The following SETBP1 variants were observed in gnomAD, a reference collection of about 807,000 sequenced individuals.
The protein encoded by SETBP1 is SET-binding protein.
Under a neutral mutation model 101.0 loss-of-function variants are expected in SETBP1, and 9 were observed. The ratio of observed to expected loss-of-function variants is 0.09; its 90% CI spans 0.05 to 0.16. The LOEUF (loss-of-function observed/expected upper bound fraction) is 0.16, where lower values mean the gene tolerates loss of function less well. SETBP1 is among the 10% of genes least tolerant of loss of function. The pLI is 1.00. For synonymous variants in SETBP1, 818 were observed against 788.5 expected (o/e 1.04, Z -0.63); for missense variants, 1,858 against 2,033.8 (o/e 0.91, Z 1.66).
At chr18:44,910,210 T>C (rs547368481) in intron 3 of SETBP1, among the ~76,000 whole-genome samples, 1 of 152,308 alleles carries the variant, frequency 6.6e-6, no homozygotes, top group South Asian at 2.1e-4. Flanking sequence ...CTCCCTCCTA[T>C]GGCCTTCATG....
At chr18:44,905,799 C>A (rs886818996) in intron 3 of SETBP1, among the ~76,000 whole-genome samples, 1 of 152,168 alleles carries the variant, frequency 6.6e-6, no homozygotes, top group African/African-American at 2.4e-5. Flanking sequence ...AGGTGTCACA[C>A]AAAAATTAAT....
chr18:44,918,185 G>A (rs927291641), intron 3 of SETBP1, among the ~76,000 whole-genome samples: 1 of 152,082 alleles, frequency 6.6e-6, no homozygotes, highest in African/African-American at 2.4e-5. Context: ...AATAATCCTC[G>A]GGACAGCCTG....
intron 2 of SETBP1, among the ~76,000 whole-genome samples, chr18:44,760,867 G>A (rs1298846093): frequency 1.3e-5 from 2 of 151,982 alleles, no homozygotes; most frequent in Admixed American, 6.6e-5. Context: ...ACAAAAAGAA[G>A]GAAGGAATCT....
chr18:45,026,301 A>G (rs2073163432), intron 4 of SETBP1, among the ~76,000 whole-genome samples: 1 of 152,198 alleles, frequency 6.6e-6, no homozygotes, highest in African/African-American at 2.4e-5. Context: ...GTCTCAGAAT[A>G]TAACCTTTGA....
At chr18:45,049,177 G>T (rs2073679686) in intron 5 of SETBP1, among the ~76,000 whole-genome samples, 1 of 152,074 alleles carries the variant, frequency 6.6e-6, no homozygotes, top group Admixed American at 6.6e-5. Flanking sequence ...CAACTGAATG[G>T]TACTAAGAGA....
intron 4 of SETBP1, among the ~76,000 whole-genome samples, chr18:44,957,415 G>A (rs2071511406): frequency 6.6e-6 from 1 of 151,966 alleles, no homozygotes; most frequent in South Asian, 2.1e-4. Context: ...GAATCTACAT[G>A]TGTTACCTCT....
chr18:44,978,073 GCCAGGGTTGCAA>G (rs1599402205), intron 4 of SETBP1, among the ~76,000 whole-genome samples: 2 of 152,218 alleles, frequency 1.3e-5, no homozygotes, highest in East Asian at 3.9e-4. Flanking sequence ...ACCTCAGCCA[GCCAGGGTTGCAA>G]CCAGCCCACA....
At chr18:45,013,760 C>T (rs1309293977) in intron 4 of SETBP1, among the ~76,000 whole-genome samples, 1 of 152,174 alleles carries the variant, frequency 6.6e-6, no homozygotes, top group Non-Finnish European at 1.5e-5. Flanking sequence ...GAGCAGCAGC[C>T]ACTGAGCGGC....
intron 3 of SETBP1, among the ~76,000 whole-genome samples, chr18:44,894,860 G>A (rs1025597193): frequency 2.0e-5 from 3 of 151,190 alleles, no homozygotes; most frequent in Non-Finnish European, 2.9e-5. Context: ...GCTGGGCACC[G>A]TGGCTGCTTT....
intron 3 of SETBP1, among the ~76,000 whole-genome samples, chr18:44,886,754 TTTATTA>T (rs4024294): frequency 0.097 from 13,925 of 142,988 alleles, 691 homozygotes; most frequent in East Asian, 0.13. Flanking sequence ...GACTGTACAT[TTTATTA>T]TTATTATTAT....
At chr18:45,015,872 G>GAT (rs1345999765) in intron 4 of SETBP1, among the ~76,000 whole-genome samples, 5 of 152,194 alleles carry the variant, frequency 3.3e-5, no homozygotes, top group African/African-American at 1.2e-4. Flanking sequence ...TAGTCATGGG[G>GAT]ATATTCTGTT....
At chr18:44,746,502 G>A (rs1255887856) in intron 2 of SETBP1, among the ~76,000 whole-genome samples, 1 of 152,198 alleles carries the variant, frequency 6.6e-6, no homozygotes, top group African/African-American at 2.4e-5. Context: ...AAGAAAAGTA[G>A]GATGATATGT....
intron 3 of SETBP1, among the ~76,000 whole-genome samples, chr18:44,914,085 A>G (rs1390897963): frequency 6.6e-6 from 1 of 152,116 alleles, no homozygotes; most frequent in East Asian, 1.9e-4. Flanking sequence ...GAATATCTGG[A>G]GCTGCAGAAG....
chr18:44,757,025 T>C (rs1452140905), intron 2 of SETBP1, among the ~76,000 whole-genome samples: 2 of 152,198 alleles, frequency 1.3e-5, no homozygotes, highest in Non-Finnish European at 2.9e-5. Flanking sequence ...AGATTTAGCA[T>C]TTTAAATTCT....
chr18:44,701,811 A>T lies in SETBP1; in HGVS notation c.465A>T (p.Glu155Asp). ...GKNSKATKEE[E>D]RSHSKKKLLT... is the part of the protein sequence containing the mutation. Reference sequence around the variant, plus strand: ...ATAGCAAAGCCACGAAGGAGGAAGAAAGAAGCCACTCCAAAAAGAAGGTAG... The same window carrying T: ...ATAGCAAAGCCACGAAGGAGGAAGATAGAAGCCACTCCAAAAAGAAGGTAG... Residue 155 changes from glutamate (E) to aspartate (D), a missense_variant, in exon 2 of 6, where the codon GAA (glutamate) becomes GAT (aspartate). Coordinates refer to ENST00000649279, the MANE Select transcript of SETBP1 (RefSeq NM_015559.3). The T allele has an allele frequency of 6.2e-7, 1 of 1,613,506 alleles. No individual in the cohort carries two copies. Among genetic ancestry groups the T allele is most frequent in the South Asian group, 1.1e-5 (1 of 91,072 alleles).
intron 2 of SETBP1, among the ~76,000 whole-genome samples, chr18:44,799,484 C>A (rs776297176): frequency 4.6e-5 from 7 of 152,180 alleles, no homozygotes; most frequent in Non-Finnish European, 1.0e-4. Context: ...CCTAAAACTG[C>A]ACTCTTGCGC....
At chr18:45,038,400 T>G (rs1698490134) in intron 4 of SETBP1, 85 bp from the exon 5 acceptor site, 1 of 1,237,554 alleles carries the variant, frequency 8.1e-7, no homozygotes. Flanking sequence ...ATTTGACCAT[T>G]TCCTCAGATC....
chr18:44,689,137 G>A (rs2068886496), intron 1 of SETBP1, among the ~76,000 whole-genome samples: 1 of 152,250 alleles, frequency 6.6e-6, no homozygotes, highest in South Asian at 2.1e-4. Flanking sequence ...ATGTGTTTAG[G>A]ATTTGATGGA....
intron 2 of SETBP1, among the ~76,000 whole-genome samples, chr18:44,741,643 G>C (rs1031429900): frequency 1.3e-5 from 2 of 152,176 alleles, no homozygotes; most frequent in African/African-American, 2.4e-5. Context: ...CAGCAGAAAG[G>C]GTTTGCCAAA....
Sources: allele counts gnomAD v4.1 joint callset (sites outside exome capture counted in the v4.1 genomes callset), GRCh38; gene constraint gnomAD v4.1.1; transcripts MANE v1.5; gene names NCBI Gene and HGNC (gene_info 2026-07-23, HGNC 2026-07-21).